OSCP1: variants seen among roughly 807,000 people sequenced by gnomAD.
OSCP1 encodes protein OSCP1.
In OSCP1, 35 loss-of-function variants were observed where a neutral mutation model predicts 45.1. The ratio of observed to expected loss-of-function variants is 0.78; its 90% CI spans 0.59 to 1.03. OSCP1 has a LOEUF of 1.03. Among genes scored for constraint, OSCP1 ranks in the 50% least tolerant of loss-of-function variants. OSCP1 has a pLI of 0.00. For synonymous variants in OSCP1, 179 were observed against 180.1 expected (o/e 0.99, Z 0.05); for missense variants, 400 against 470.7 (o/e 0.85, Z 1.39).
rs575967932 is a variant in OSCP1, at chr1:36,441,750, C to CAAA, written c.113-2843_113-2841dup. On this transcript the variant is annotated intron_variant, in intron 1 of 9. Coordinates refer to ENST00000235532, the MANE Select transcript of OSCP1 (RefSeq NM_145047.5). The stretch of plus-strand genomic sequence containing the variant: ...TGGGTAACAGAGCGAGACTCCAGCT[C>CAAA]AAAAAAAAAAAAAAAAAAAAAAGTA... Among the ~76,000 whole-genome samples, 254 of 57,948 alleles carry CAAA rather than the reference C, an allele frequency of 4.4e-3. 10 individuals are homozygous for CAAA. The highest frequency in any genetic ancestry group is 0.012 in the African/African-American group (198 of 15,966). 38.0% of individuals were successfully genotyped at this position (57,948 alleles called of 152,430 possible).
In OSCP1 at chr1:36,450,264, G is replaced by T; in HGVS notation, c.106C>A (p.Arg36Ser). 6.2e-7 allele frequency: 1 copy of T among 1,613,236 alleles called. No homozygotes were observed. Among genetic ancestry groups the T allele is most frequent in the Non-Finnish European group, 8.5e-7 (1 of 1,179,540 alleles). The stretch of plus-strand genomic sequence containing the variant: ...CGGGCCGGGGGCCTCTCACCTTTGC[G>T]GGCCTTGTCTCCCGGGATGTTCTGG... ...RAQNIPGDKA[R>S]KVLNDIISTM... Residue 36 changes from arginine (R) to serine (S), a missense_variant, in exon 1 of 10, where the codon CGC becomes AGC. Coordinates refer to ENST00000235532, the MANE Select transcript of OSCP1 (RefSeq NM_145047.5).
Position 36,450,296 on chromosome 1 carries a change from A to G in OSCP1, c.74T>C (p.Leu25Pro), listed in dbSNP as rs1407757557. The change falls in exon 1 of 10, where the codon CTG becomes CCG. Residue 25 changes from leucine to proline, a missense_variant. Coordinates refer to ENST00000235532, the MANE Select transcript of OSCP1 (RefSeq NM_145047.5). ...GTCTCCCGGGATGTTCTGGGCCCGC[A>G]GCCGTTGGTCGAGGATGTAAAGCAT... The part of the protein sequence containing the change: ...GEMLYILDQR[L>P]RAQNIPGDKA... 1 of 1,613,676 alleles carries G rather than the reference A, an allele frequency of 6.2e-7. No homozygotes were observed. Among genetic ancestry groups the G allele is most frequent in the African/African-American group, 1.3e-5 (1 of 74,894 alleles).
chr1:36,429,535 A>ATTTTTTTC (rs1648211487), intron 4 of OSCP1, among the ~76,000 whole-genome samples: 1 of 100,286 alleles, frequency 1.0e-5, no homozygotes, highest in Admixed American at 1.1e-4. Flanking sequence ...GAAGCTTAGA[A>ATTTTTTTC]TTTTTTTTTT....
intron 2 of OSCP1, among the ~76,000 whole-genome samples, chr1:36,433,594 A>T (rs1648521174): frequency 6.6e-6 from 1 of 152,212 alleles, no homozygotes. Context: ...AGACCTCAGG[A>T]TCACGCAATA....
At position 36,432,477 on chromosome 1, in the gene OSCP1, C is replaced by T. The variant is rs777268483; in HGVS notation, c.380G>A (p.Arg127Gln). The change falls in exon 3 of 10, where the codon CGA (arginine) becomes CAA (glutamine). Residue 127 changes from arginine to glutamine, a missense_variant. Arg to Gln is a conservative substitution (Grantham distance 43). Coordinates refer to ENST00000235532, the MANE Select transcript of OSCP1 (RefSeq NM_145047.5). ...NHLDTIKGFI[R>Q]DSPTILQQVD... ...TTGCTGCAGGATGGTTGGGGAGTCT[C>T]GGATGAATCCCTTGATGGTATCCAA... 41 of 1,613,964 alleles carry T rather than the reference C, an allele frequency of 2.5e-5. No individual in the cohort carries two copies. The highest frequency in any genetic ancestry group is 3.1e-5 in the Non-Finnish European group (36 of 1,180,012).
chr1:36,427,444 T>G (rs1399709085), intron 4 of OSCP1, among the ~76,000 whole-genome samples: 1 of 151,960 alleles, frequency 6.6e-6, no homozygotes, highest in Non-Finnish European at 1.5e-5. Context: ...ATTACAGGTA[T>G]GAGCCATCAC....
At position 36,418,996 on chromosome 1, in the gene OSCP1, T is replaced by A. The variant is rs1570495217; in HGVS notation, c.1018A>T (p.Thr340Ser). ...LSYEVINIQA[T>S]QDQQRSEELA... Reference sequence around the variant, plus strand: ...GTGTTATCCCCTGTACGTACCTGGGTGGCTTGTATGTTGATAACTTCATAG... The same window carrying A: ...GTGTTATCCCCTGTACGTACCTGGGAGGCTTGTATGTTGATAACTTCATAG... The change falls in exon 9 of 10, where the codon ACC (threonine) becomes TCC (serine). Residue 340 changes from threonine to serine, a missense_variant. By Grantham distance (58) the Thr-to-Ser change is moderately conservative. Coordinates refer to ENST00000235532, the MANE Select transcript of OSCP1 (RefSeq NM_145047.5). The A allele has an allele frequency of 1.2e-6, 2 of 1,604,844 alleles. No individual in the cohort carries two copies. The highest frequency in any genetic ancestry group is 2.7e-5 in the African/African-American group (2 of 74,482).
intron 1 of OSCP1, among the ~76,000 whole-genome samples, chr1:36,449,983 TG>T (rs1409279328): frequency 6.0e-5 from 9 of 149,540 alleles, no homozygotes; most frequent in African/African-American, 2.0e-4. Context: ...CAAGAGAGAC[TG>T]GGAAATCACC....
rs1649348347 is a variant in OSCP1, at chr1:36,443,920, C to T, written c.113-5010G>A. On this transcript the variant is annotated intron_variant, in intron 1 of 9. Coordinates refer to ENST00000235532, the MANE Select transcript of OSCP1 (RefSeq NM_145047.5). ...TACTTTGACTTTGAAATGTTTCAAGCGGTCCCATTTTAAGCCCTGCTGATA... is the reference window on the plus strand; with the variant it reads ...TACTTTGACTTTGAAATGTTTCAAGTGGTCCCATTTTAAGCCCTGCTGATA... The T allele has an allele frequency of 1.0e-5, 15 of 1,433,334 alleles. No homozygotes were observed. In the Middle Eastern group the frequency reaches 8.8e-4, roughly 84 times the overall value. The allele number at this position is 1,433,334 out of a possible 1,614,324, so 88.8% of individuals were successfully genotyped here. A position where few individuals can be genotyped will look rare whatever the true frequency, so the allele number is the denominator to read the frequency against.
At chr1:36,425,436 G>GTA (rs1647905528) in intron 4 of OSCP1, among the ~76,000 whole-genome samples, 1 of 152,012 alleles carries the variant, frequency 6.6e-6, no homozygotes, top group East Asian at 1.9e-4. Flanking sequence ...ATCAGACAGT[G>GTA]TATAAAAAGT....
intron 7 of OSCP1, among the ~76,000 whole-genome samples, chr1:36,421,547 T>A (rs2124774621): frequency 6.6e-6 from 1 of 152,330 alleles, no homozygotes; most frequent in Admixed American, 6.5e-5. Flanking sequence ...CCACCTCATT[T>A]GAGTTGTTTC....
intron 1 of OSCP1, among the ~76,000 whole-genome samples, chr1:36,448,088 C>A (rs1279689902): frequency 6.6e-6 from 1 of 152,152 alleles, no homozygotes; most frequent in Non-Finnish European, 1.5e-5. Context: ...TTATTTCATT[C>A]AATCCTTACA....
chr1:36,420,432 T>C, intron 8 of OSCP1, 44 bp downstream of exon 8: 1 of 1,585,196 alleles, frequency 6.3e-7, no homozygotes. Flanking sequence ...CTTGTCATGC[T>C]TGGGATTTTT....
chr1:36,432,512 A>G lies in OSCP1; in HGVS notation c.345T>C (p.Thr115=), dbSNP rs1648437491. 6.2e-7 allele frequency: 1 copy of G among 1,614,172 alleles called. No homozygotes were observed. The highest frequency in any genetic ancestry group is 8.5e-7 in the Non-Finnish European group (1 of 1,180,030). ...CPRPKDVLLV[T]FNHLDTIKGF... is the part of the protein sequence containing the mutation. ...CCTTGATGGTATCCAAGTGATTGAAAGTGACCAGCAGCACATCCTTGGGTC... is the reference window on the plus strand; with the variant it reads ...CCTTGATGGTATCCAAGTGATTGAAGGTGACCAGCAGCACATCCTTGGGTC... The change falls in exon 3 of 10, where the codon ACT becomes ACC. Residue 115 remains threonine, a synonymous_variant. Coordinates refer to ENST00000235532, the MANE Select transcript of OSCP1 (RefSeq NM_145047.5).
chr1:36,442,280 G>A (rs1220440677), intron 1 of OSCP1, among the ~76,000 whole-genome samples: 2 of 151,238 alleles, frequency 1.3e-5, no homozygotes, highest in East Asian at 3.9e-4. Context: ...TTTCACAGGA[G>A]CCTCAGAAAG....
intron 1 of OSCP1, among the ~76,000 whole-genome samples, chr1:36,442,238 A>G (rs1186870002): frequency 1.3e-5 from 2 of 151,834 alleles, no homozygotes; most frequent in Admixed American, 6.6e-5. Context: ...AAAAAAAAAA[A>G]AAGGAGGCTA....
intron 4 of OSCP1, among the ~76,000 whole-genome samples, chr1:36,427,287 A>G (rs1648030507): frequency 8.8e-6 from 1 of 113,682 alleles, no homozygotes; most frequent in Non-Finnish European, 1.7e-5. Context: ...GGCGTGAGCC[A>G]TGGCGCCTGG....
At position 36,431,943 on chromosome 1, in the gene OSCP1, G is replaced by GGCAGGT. The variant is rs1475019996; in HGVS notation, c.436-62_436-61insACCTGC. The stretch of plus-strand genomic sequence containing the variant: ...CCAAGAGGGATGAGTAGTACGCACC[G>GGCAGGT]GCAGGGCAGATGGGTACTCAGGGAT... On this transcript the variant is annotated intron_variant, in intron 3 of 9. Coordinates refer to ENST00000235532, the MANE Select transcript of OSCP1 (RefSeq NM_145047.5). 4.7e-6 allele frequency: 7 copies of GGCAGGT among 1,490,154 alleles called. No homozygotes were observed. In the Admixed American group the frequency reaches 1.2e-4, roughly 26 times the overall value. The allele number at this position is 1,490,154 out of a possible 1,614,324, so 92.3% of individuals were successfully genotyped here.
intron 1 of OSCP1, among the ~76,000 whole-genome samples, chr1:36,446,093 G>A (rs939736726): frequency 1.3e-5 from 2 of 151,982 alleles, no homozygotes; most frequent in African/African-American, 4.8e-5. Flanking sequence ...CGTGATCTCA[G>A]CTCACTGCAA....
Sources: allele counts gnomAD v4.1 joint callset (sites outside exome capture counted in the v4.1 genomes callset), GRCh38; gene constraint gnomAD v4.1.1; transcripts MANE v1.5; gene names NCBI Gene and HGNC (gene_info 2026-07-23, HGNC 2026-07-21).